The following KCNMB2 variants were observed in gnomAD, a reference collection of about 807,000 sequenced individuals.
KCNMB2 encodes calcium-activated potassium channel subunit beta-2.
A neutral mutation model predicts 24.5 loss-of-function variants in KCNMB2; 9 were observed. The ratio of observed to expected loss-of-function variants is 0.37; its 90% CI spans 0.22 to 0.64. KCNMB2 has a LOEUF of 0.64. KCNMB2 is among the 30% of genes least tolerant of loss of function. The probability of loss-of-function intolerance (pLI) is 0.63; values close to 1 mark genes in which losing one functional copy is unlikely to be tolerated. For synonymous variants in KCNMB2, 109 were observed against 104.4 expected, an observed-to-expected ratio of 1.04 and a Z score of -0.27; for missense variants, 226 against 284.3, an observed-to-expected ratio of 0.79 and a Z score of 1.47.
Position 178,842,890 on chromosome 3 carries a change from C to T in KCNMB2, c.661C>T (p.Gln221Ter). ...AATTGTTGCCATGGTGAAACTTACA[C>T]AGTACCTCTCCCTACTATGTGAGAG... ...VAIVAMVKLT[Q>*]YLSLLCERIQ... The change falls in exon 5 of 5, where the codon CAG becomes TAG. Residue 221 changes from glutamine to a stop codon, truncating the protein, a stop_gained. Coordinates refer to ENST00000452583, the MANE Select transcript of KCNMB2 (RefSeq NM_181361.3). LOFTEE classifies it high-confidence loss of function. 1 of 1,613,906 alleles carries T rather than the reference C, an allele frequency of 6.2e-7. No homozygotes were observed. The highest frequency in any genetic ancestry group is 8.5e-7 in the Non-Finnish European group (1 of 1,179,828).
chr3:178,674,494 A>G (rs769999226), intron 1 of KCNMB2, among the ~76,000 whole-genome samples: 4 of 152,128 alleles, frequency 2.6e-5, no homozygotes, highest in Non-Finnish European at 5.9e-5. Context: ...CCTACATCTA[A>G]TCCATCAGTA....
chr3:178,784,874 T>TAAAAAAAAAAAAA (rs67483966), intron 1 of KCNMB2, among the ~76,000 whole-genome samples: 2 of 121,394 alleles, frequency 1.6e-5, no homozygotes, highest in African/African-American at 3.1e-5. Context: ...CCTGAAGCCT[T>TAAAAAAAAAAAAA]AAAAAAAAAA....
chr3:178,828,456 CATT>C, intron 4 of KCNMB2, 83 bp downstream of exon 4: 1 of 1,016,464 alleles, frequency 9.8e-7, no homozygotes, highest in Non-Finnish European at 1.4e-6. Context: ...CCTTTGCCAG[CATT>C]TCAAAGGAAA....
intron 1 of KCNMB2, among the ~76,000 whole-genome samples, chr3:178,679,400 G>T (rs1438733456): frequency 1.3e-5 from 2 of 151,990 alleles, no homozygotes; most frequent in African/African-American, 4.8e-5. Flanking sequence ...CCAGCCTATG[G>T]GCTCTATTTG....
At chr3:178,604,132 C>A (rs1040835667) in intron 1 of KCNMB2, among the ~76,000 whole-genome samples, 12 of 152,124 alleles carry the variant, frequency 7.9e-5, no homozygotes, top group African/African-American at 2.7e-4. Context: ...CACCTCCCCC[C>A]AGTACTCTCA....
chr3:178,687,393 A>G (rs1166928648), intron 1 of KCNMB2, among the ~76,000 whole-genome samples: 1 of 152,128 alleles, frequency 6.6e-6, no homozygotes, highest in Non-Finnish European at 1.5e-5. Context: ...CAGTGTACTT[A>G]TGGGTCTGGA....
At position 178,842,986 on chromosome 3, in the gene KCNMB2, C is replaced by A. The variant is rs752554299; in HGVS notation, c.*49C>A. ...TTTGTTAAAGCTCAAATACTGTTTT[C>A]TTTCATTCTTCACCAAAGAACCTTA... On this transcript the variant is annotated 3_prime_UTR_variant, in exon 5 of 5. Transcript: ENST00000452583. The A allele has an allele frequency of 2.0e-6, 3 of 1,476,730 alleles. No individual in the cohort carries two copies. The highest frequency in any genetic ancestry group is 2.5e-5 in the South Asian group (2 of 79,312). The allele number at this position is 1,476,730 out of a possible 1,614,324, so 91.5% of individuals were successfully genotyped here.
At chr3:178,723,038 G>A (rs191771441) in intron 1 of KCNMB2, among the ~76,000 whole-genome samples, 251 of 152,204 alleles carry the variant, frequency 1.6e-3, no homozygotes, top group Non-Finnish European at 2.0e-3. Context: ...CTATAGTTGG[G>A]TGAATCAGTT....
At chr3:178,720,837 T>G (rs1722780429) in intron 1 of KCNMB2, among the ~76,000 whole-genome samples, 1 of 151,018 alleles carries the variant, frequency 6.6e-6, no homozygotes, top group Admixed American at 6.6e-5. Flanking sequence ...TGTTTGTTTT[T>G]TTCTTGTAAA....
At chr3:178,544,452 C>A (rs950090753) in intron 1 of KCNMB2, among the ~76,000 whole-genome samples, 1 of 152,098 alleles carries the variant, frequency 6.6e-6, no homozygotes, top group Non-Finnish European at 1.5e-5. Flanking sequence ...AATGCCTAAA[C>A]CCCCTCCTCA....
chr3:178,761,213 G>T (rs992462124), intron 1 of KCNMB2, among the ~76,000 whole-genome samples: 2 of 152,154 alleles, frequency 1.3e-5, no homozygotes, highest in African/African-American at 4.8e-5. Context: ...CATAGTGAGT[G>T]ACATGCTCTG....
In KCNMB2 at chr3:178,737,024, C is replaced by T. The variant is rs558966548; in HGVS notation, c.-67-70319C>T. Among the ~76,000 whole-genome samples, 123 of 152,318 alleles carry T rather than the reference C, an allele frequency of 8.1e-4. 2 individuals carry two copies. The highest frequency in any genetic ancestry group is 2.2e-3 in the African/African-American group (92 of 41,576). ...GCGGCTCATGCCTGTAATCCCAACA[C>T]TTTGGGAGGCTGAGGCAGGCAGATC... On this transcript the variant is annotated intron_variant, in intron 1 of 4. Coordinates refer to ENST00000452583, the MANE Select transcript of KCNMB2 (RefSeq NM_181361.3).
chr3:178,749,958 G>T (rs918217689), intron 1 of KCNMB2, among the ~76,000 whole-genome samples: 7 of 152,198 alleles, frequency 4.6e-5, no homozygotes, highest in Non-Finnish European at 8.8e-5. Flanking sequence ...ATTGAAGACA[G>T]AGGCTCTTTC....
chr3:178,828,040 A>C (rs1714903040), intron 3 of KCNMB2, 138 bp from the exon 4 acceptor site: 2 of 677,716 alleles, frequency 3.0e-6, no homozygotes. Context: ...CGAAGGCCTA[A>C]ACTTTACACA....
chr3:178,811,861 A>G (rs1262709151), intron 2 of KCNMB2, among the ~76,000 whole-genome samples: 1 of 152,186 alleles, frequency 6.6e-6, no homozygotes, highest in Admixed American at 6.5e-5. Flanking sequence ...TCTAATTTTC[A>G]GTAATCAAGA....
At chr3:178,746,246 G>A (rs1559999522) in intron 1 of KCNMB2, among the ~76,000 whole-genome samples, 1 of 152,156 alleles carries the variant, frequency 6.6e-6, no homozygotes, top group African/African-American at 2.4e-5. Context: ...TCTGTGTACT[G>A]GCAGTCTCAA....
At chr3:178,682,753 C>T (rs1721313178) in intron 1 of KCNMB2, among the ~76,000 whole-genome samples, 1 of 151,724 alleles carries the variant, frequency 6.6e-6, no homozygotes, top group African/African-American at 2.4e-5. Flanking sequence ...AGCCAACAAA[C>T]ATATGAAAAA....
rs369335162 is a variant in KCNMB2 at position 178,700,256 on chromosome 3, G to A, written c.-67-107087G>A. ...ACTAAACTAGCTTAAAAAAATACCA[G>A]ATCTTCTCACAACCAATTCAGTACT... On this transcript the variant is annotated intron_variant, in intron 1 of 4. Transcript: ENST00000452583. Among the ~76,000 whole-genome samples, 49 of 152,290 alleles carry A rather than the reference G, an allele frequency of 3.2e-4. No individual in the cohort carries two copies. In the East Asian group the frequency reaches 5.4e-3, roughly 17 times the overall value.
chr3:178,658,194 G>A (rs1339020793), intron 1 of KCNMB2, among the ~76,000 whole-genome samples: 1 of 152,202 alleles, frequency 6.6e-6, no homozygotes, highest in African/African-American at 2.4e-5. Flanking sequence ...GATGATGAGA[G>A]GGAAGAGACA....
Sources: allele counts gnomAD v4.1 joint callset (sites outside exome capture counted in the v4.1 genomes callset), GRCh38; gene constraint gnomAD v4.1.1; transcripts MANE v1.5; gene names NCBI Gene and HGNC (gene_info 2026-07-23, HGNC 2026-07-21).